Variants in GPRC6A observed in about 807,000 individuals in gnomAD.
The protein encoded by GPRC6A is G protein-coupled receptor family C group 6 member A.
A neutral mutation model predicts 47.0 loss-of-function variants in GPRC6A; 54 were observed. The ratio of observed to expected loss-of-function variants is 1.15; its 90% CI spans 0.92 to 1.44. The LOEUF (loss-of-function observed/expected upper bound fraction) is 1.44, where lower values mean the gene tolerates loss of function less well. Ranked by LOEUF, GPRC6A falls within the 40% of genes most tolerant of loss-of-function variation. The pLI, the probability that GPRC6A is intolerant of heterozygous loss-of-function variation, is 0.00. For missense variants in GPRC6A, 1,112 were observed against 1,105.5 expected, an observed-to-expected ratio of 1.01 and a Z score of -0.08; for synonymous variants, 347 against 377.1, an observed-to-expected ratio of 0.92 and a Z score of 0.93.
In GPRC6A at chr6:116,807,164, G is replaced by T; in HGVS notation, c.541C>A (p.Arg181Ser). 1 of 1,613,158 alleles carries T rather than the reference G, an allele frequency of 6.2e-7. No individual in the cohort carries two copies. Among genetic ancestry groups the T allele is most frequent in the Non-Finnish European group, 8.5e-7 (1 of 1,179,510 alleles). Reference sequence around the variant, plus strand: ...ACAGTCCGTAAAAATGAAGGAAAGCGAATTTTGTCACTCAGGATTTCTGCA... The same window carrying T: ...ACAGTCCGTAAAAATGAAGGAAAGCTAATTTTGTCACTCAGGATTTCTGCA... ...STAEILSDKI[R>S]FPSFLRTVPS... is the part of the protein sequence containing the mutation. The change falls in exon 3 of 6, where the codon CGC becomes AGC. Residue 181 changes from arginine to serine, a missense_variant. Arg to Ser is a moderately radical substitution (Grantham distance 110, BLOSUM62 -1). Transcript: ENST00000310357.
At chr6:116,796,890 A>AT (rs1337869111) in intron 4 of GPRC6A, among the ~76,000 whole-genome samples, 1 of 151,944 alleles carries the variant, frequency 6.6e-6, no homozygotes, top group Non-Finnish European at 1.5e-5. Context: ...TTATTTATTT[A>AT]TTATTATTAT....
At chr6:116,805,062 A>G (rs982255988) in intron 3 of GPRC6A, among the ~76,000 whole-genome samples, 1 of 152,114 alleles carries the variant, frequency 6.6e-6, no homozygotes, top group Non-Finnish European at 1.5e-5. Flanking sequence ...ATGATCTAAA[A>G]AAGATAATTT....
intron 1 of GPRC6A, among the ~76,000 whole-genome samples, chr6:116,812,593 C>T (rs944984124): frequency 1.3e-5 from 2 of 152,104 alleles, no homozygotes; most frequent in Non-Finnish European, 2.9e-5. Flanking sequence ...CAACATTAAC[C>T]TTGGATTTAA....
rs35974500 is a variant in GPRC6A at position 116,818,532 on chromosome 6, TAAAAAA to T, written c.195-8921_195-8916del. ...CTGGGCGACAGAGCGAGACTCCGTC[TAAAAAA>T]AAAAAAAAAAAAAAAAAAAAAAAAA... On this transcript the variant is annotated intron_variant, in intron 1 of 5. Coordinates refer to ENST00000310357, the MANE Select transcript of GPRC6A (RefSeq NM_148963.4). Among the ~76,000 whole-genome samples the T allele has an allele frequency of 3.5e-3, 55 of 15,506 alleles. 2 individuals carry two copies. The highest frequency in any genetic ancestry group is 5.0e-3 in the Admixed American group (6 of 1,190). The allele number at this position is 15,506 out of a possible 152,430, so 10.2% of individuals were successfully genotyped here. A position where few individuals can be genotyped will look rare whatever the true frequency, so the allele number is the denominator to read the frequency against.
chr6:116,795,422 C>G (rs934663193), intron 5 of GPRC6A, among the ~76,000 whole-genome samples: 1 of 152,082 alleles, frequency 6.6e-6, no homozygotes, highest in African/African-American at 2.4e-5. Context: ...TGACAGAGAA[C>G]TTGCATCACT....
chr6:116,802,302 T>C (rs1772699445), intron 3 of GPRC6A, among the ~76,000 whole-genome samples: 1 of 152,180 alleles, frequency 6.6e-6, no homozygotes, highest in Non-Finnish European at 1.5e-5. Context: ...TCTTAAACAT[T>C]ACCACTCCAG....
In GPRC6A at chr6:116,806,448, C is replaced by T. The variant is rs746739030; in HGVS notation, c.1257G>A (p.Val419=). ...PGLIHSIQLA[V]FALGYAIRDL... is the part of the protein sequence containing the mutation. ...CCCGAATGGCATAACCAAGGGCAAA[C>T]ACTGCAAGCTGAATACTATGAATGA... is the stretch of plus-strand genomic sequence containing the variant. Residue 419 remains valine (V), a synonymous_variant, in exon 3 of 6, where the codon GTG becomes GTA. Transcript: ENST00000310357. 5 of 1,613,358 alleles carry T rather than the reference C, an allele frequency of 3.1e-6. No homozygotes were observed. Among genetic ancestry groups the T allele is most frequent in the South Asian group, 2.2e-5 (2 of 91,052 alleles).
At chr6:116,802,293 C>G (rs1187578228) in intron 3 of GPRC6A, among the ~76,000 whole-genome samples, 1 of 152,084 alleles carries the variant, frequency 6.6e-6, no homozygotes, top group Non-Finnish European at 1.5e-5. Context: ...TAAGGTTAAT[C>G]TTAAACATTA....
intron 1 of GPRC6A, among the ~76,000 whole-genome samples, chr6:116,819,517 C>A (rs1013598993): frequency 6.6e-6 from 1 of 152,068 alleles, no homozygotes; most frequent in Non-Finnish European, 1.5e-5. Flanking sequence ...TCTCTCAGAC[C>A]ACAGTGCAAT....
At chr6:116,795,456 A>T (rs1327907831) in intron 5 of GPRC6A, among the ~76,000 whole-genome samples, 1 of 152,196 alleles carries the variant, frequency 6.6e-6, no homozygotes, top group African/African-American at 2.4e-5. Context: ...ACTTTAAAAA[A>T]TATGAGCGAA....
chr6:116,807,058 G>C lies in GPRC6A; in HGVS notation c.647C>G (p.Thr216Arg), dbSNP rs550250199. The change falls in exon 3 of 6, where the codon ACA (threonine) becomes AGA (arginine). Residue 216 changes from threonine (T) to arginine (R), a missense_variant. Thr to Arg is a moderately conservative substitution (Grantham distance 71, BLOSUM62 -1). Coordinates refer to ENST00000310357, the MANE Select transcript of GPRC6A (RefSeq NM_148963.4). Reference protein sequence around the residue: ...SGWNWIGIITTDDDYGRLALN... With the variant: ...SGWNWIGIITRDDDYGRLALN... ...AGCCAATCGTCCATAGTCATCATCT[G>C]TGGTTATGATGCCAATCCAGTTCCA... The C allele has an allele frequency of 3.7e-6, 6 of 1,613,560 alleles. No individual in the cohort carries two copies. The highest frequency in any genetic ancestry group is 4.5e-5 in the East Asian group (2 of 44,866).
At chr6:116,802,695 G>A (rs1427750551) in intron 3 of GPRC6A, among the ~76,000 whole-genome samples, 1 of 152,006 alleles carries the variant, frequency 6.6e-6, no homozygotes, top group African/African-American at 2.4e-5. Context: ...TCTAAGGCTG[G>A]GGCAGCAGTT....
At chr6:116,797,524 C>G (rs7766085) in intron 4 of GPRC6A, among the ~76,000 whole-genome samples, 123,373 of 152,116 alleles carry the variant, frequency 0.81, 50,128 homozygotes, top group Middle Eastern at 0.9. Flanking sequence ...TTGGTTTTTA[C>G]TGTATCCTTG....
At chr6:116,828,038 G>T (rs550370700) in intron 1 of GPRC6A, among the ~76,000 whole-genome samples, 1 of 152,226 alleles carries the variant, frequency 6.6e-6, no homozygotes, top group Non-Finnish European at 1.5e-5. Flanking sequence ...GATGCTGCCT[G>T]TGTCCTTAGA....
chr6:116,797,007 A>G (rs1265985129), intron 4 of GPRC6A, among the ~76,000 whole-genome samples: 1 of 152,054 alleles, frequency 6.6e-6, no homozygotes, highest in Non-Finnish European at 1.5e-5. Context: ...AGCATTAGGT[A>G]TATCTCCCAG....
chr6:116,816,858 A>G (rs1773231244), intron 1 of GPRC6A, among the ~76,000 whole-genome samples: 1 of 152,196 alleles, frequency 6.6e-6, no homozygotes, highest in Non-Finnish European at 1.5e-5. Context: ...CTACGAGATT[A>G]TATCCCGCAC....
chr6:116,828,193 G>A (rs1223290215), intron 1 of GPRC6A, among the ~76,000 whole-genome samples: 1 of 152,046 alleles, frequency 6.6e-6, no homozygotes, highest in East Asian at 1.9e-4. Context: ...TCTCCTTAAG[G>A]AAAATCCATT....
intron 3 of GPRC6A, among the ~76,000 whole-genome samples, chr6:116,805,044 G>A: frequency 1.3e-5 from 2 of 152,082 alleles, no homozygotes; most frequent in Middle Eastern, 6.8e-3. Context: ...GGAATATAGT[G>A]AATAATGATG....
chr6:116,802,058 T>C (rs1027380308), intron 3 of GPRC6A, among the ~76,000 whole-genome samples: 5 of 152,178 alleles, frequency 3.3e-5, no homozygotes, highest in Non-Finnish European at 7.4e-5. Context: ...CACATCCTCT[T>C]CCACACAAGT....
Sources: allele counts gnomAD v4.1 joint callset (sites outside exome capture counted in the v4.1 genomes callset), GRCh38; gene constraint gnomAD v4.1.1; transcripts MANE v1.5; gene names NCBI Gene and HGNC (gene_info 2026-07-23, HGNC 2026-07-21).